MS4A6E: variants seen among roughly 807,000 people sequenced by gnomAD.
MS4A6E encodes membrane spanning 4-domains A6E, also known as membrane-spanning 4-domains subfamily A member 6E.
Under a neutral mutation model 13.2 loss-of-function variants are expected in MS4A6E, and 8 were observed. The observed-to-expected ratio is 0.60, with a 90% CI of 0.35 to 1.09. The LOEUF (loss-of-function observed/expected upper bound fraction) is 1.09. MS4A6E is among the 50% of genes least tolerant of loss of function. The pLI, the probability that MS4A6E is intolerant of heterozygous loss-of-function variation, is 0.02. For synonymous variants in MS4A6E, 72 were observed against 67.6 expected, an observed-to-expected ratio of 1.06 and a Z score of -0.32; for missense variants, 177 against 171.1, an observed-to-expected ratio of 1.03 and a Z score of -0.19.
intron 3 of MS4A6E, among the ~76,000 whole-genome samples, chr11:60,339,073 A>G (rs557423935): frequency 2.6e-5 from 4 of 152,340 alleles, no homozygotes; most frequent in South Asian, 2.1e-4. Context: ...CACAACATGT[A>G]TCTTCTATTT....
At chr11:60,334,198 G>A (rs898193684) in intron 1 of MS4A6E, among the ~76,000 whole-genome samples, 1 of 152,196 alleles carries the variant, frequency 6.6e-6, no homozygotes, top group Admixed American at 6.5e-5. Context: ...TCAGCACTAG[G>A]GAGATTGTAG....
intron 1 of MS4A6E, among the ~76,000 whole-genome samples, chr11:60,328,666 A>G (rs549476086): frequency 1.3e-5 from 2 of 152,334 alleles, no homozygotes; most frequent in Admixed American, 1.3e-4. Context: ...GACATATTGC[A>G]CAATCTCATT....
chr11:60,330,082 C>A (rs1390612109), intron 1 of MS4A6E, among the ~76,000 whole-genome samples: 1 of 150,550 alleles, frequency 6.6e-6, no homozygotes, highest in Non-Finnish European at 1.5e-5. Flanking sequence ...GTCTTGGCCT[C>A]CTAAAGTGCT....
At chr11:60,331,447 A>G (rs530223327) in intron 1 of MS4A6E, among the ~76,000 whole-genome samples, 3 of 151,414 alleles carry the variant, frequency 2.0e-5, no homozygotes, top group African/African-American at 4.9e-5. Flanking sequence ...TGTTTGTTTG[A>G]TTTTGCATTT....
intron 1 of MS4A6E, among the ~76,000 whole-genome samples, chr11:60,330,208 T>C (rs1328534936): frequency 6.6e-6 from 1 of 150,432 alleles, no homozygotes. Flanking sequence ...ATATTAGCCC[T>C]TTGTCAGATG....
intron 1 of MS4A6E, among the ~76,000 whole-genome samples, chr11:60,330,993 A>C (rs1426937083): frequency 6.6e-6 from 1 of 152,206 alleles, no homozygotes; most frequent in Non-Finnish European, 1.5e-5. Context: ...TTTTGGTACC[A>C]GTACCATGCT....
chr11:60,344,248 G>A (rs148806219), downstream of MS4A6E, among the ~76,000 whole-genome samples: 7 of 152,298 alleles, frequency 4.6e-5, no homozygotes, highest in East Asian at 1.3e-3. Context: ...TACCTCAGAT[G>A]CCTTTTCTGT....
intron 1 of MS4A6E, among the ~76,000 whole-genome samples, chr11:60,332,928 A>T (rs1590773448): frequency 6.6e-6 from 1 of 152,228 alleles, no homozygotes; most frequent in East Asian, 1.9e-4. Flanking sequence ...CTAGCTGTTG[A>T]TTCCTCCTCC....
At chr11:60,346,384 T>A (rs1234108109) in intron 4 of MS4A6E, among the ~76,000 whole-genome samples, 4 of 152,234 alleles carry the variant, frequency 2.6e-5, no homozygotes, top group African/African-American at 9.6e-5. Flanking sequence ...AAAGTGGCCA[T>A]GCTCAGGAGG....
Position 60,334,964 on chromosome 11 carries a change from A to G in MS4A6E, c.69A>G (p.Gln23=). 1.2e-6 allele frequency: 2 copies of G among 1,614,158 alleles called. No homozygotes were observed. The highest frequency in any genetic ancestry group is 1.7e-6 in the Non-Finnish European group (2 of 1,180,014). ...CATCAAATGTCATCAACTTCTCCCA[A>G]GCAGAGAAACCCGAACCCACCAACC... The part of the protein sequence containing the change: ...MLPSNVINFS[Q]AEKPEPTNQG... The change falls in exon 2 of 5, where the codon CAA becomes CAG. Residue 23 remains glutamine (Q), a synonymous_variant. Coordinates refer to ENST00000684409, the MANE Select transcript of MS4A6E (RefSeq NM_139249.4).
downstream of MS4A6E, among the ~76,000 whole-genome samples, chr11:60,343,609 A>G (rs1343091227): frequency 1.3e-5 from 2 of 152,190 alleles, no homozygotes; most frequent in African/African-American, 4.8e-5. Context: ...GTATAATTAA[A>G]ATCTCCCTGC....
chr11:60,339,828 A>G, intron 3 of MS4A6E, 38 bp from the exon 4 acceptor site: 2 of 1,581,822 alleles, frequency 1.3e-6, no homozygotes, highest in Non-Finnish European at 1.7e-6. Context: ...GCTTCGGCTG[A>G]CCCAAGCATC....
intron 2 of MS4A6E, 121 bp from the exon 3 acceptor site, chr11:60,337,620 A>AGG: frequency 8.3e-7 from 1 of 1,200,708 alleles, no homozygotes; most frequent in Non-Finnish European, 1.2e-6. Flanking sequence ...ACAAGAAATG[A>AGG]TCCCTCCGGG....
At chr11:60,332,721 C>A (rs2085164724) in intron 1 of MS4A6E, among the ~76,000 whole-genome samples, 1 of 152,158 alleles carries the variant, frequency 6.6e-6, no homozygotes, top group African/African-American at 2.4e-5. Flanking sequence ...TATTAGTTGA[C>A]CCAAAATCAT....
chr11:60,339,141 T>C (rs904226352), intron 3 of MS4A6E, among the ~76,000 whole-genome samples: 2 of 152,164 alleles, frequency 1.3e-5, no homozygotes, highest in Non-Finnish European at 2.9e-5. Flanking sequence ...CTCCCTTTAT[T>C]ATCAGATGAC....
downstream of MS4A6E, among the ~76,000 whole-genome samples, chr11:60,345,180 C>T (rs141123956): frequency 0.013 from 1,945 of 152,146 alleles, 41 homozygotes; most frequent in African/African-American, 0.045. Context: ...GTGATCCACC[C>T]GCCTCGGCCT....
At chr11:60,328,686 A>G (rs2085135088) in intron 1 of MS4A6E, among the ~76,000 whole-genome samples, 1 of 152,180 alleles carries the variant, frequency 6.6e-6, no homozygotes, top group Non-Finnish European at 1.5e-5. Flanking sequence ...TTATATGTGG[A>G]ATCTAAAATA....
At chr11:60,344,682 G>A (rs546098499), downstream of MS4A6E, among the ~76,000 whole-genome samples, 46 of 152,250 alleles carry the variant, frequency 3.0e-4, no homozygotes, top group Admixed American at 5.9e-4. Context: ...AAGTACTGAG[G>A]TTTAATTTCT....
downstream of MS4A6E, among the ~76,000 whole-genome samples, chr11:60,344,026 G>A (rs1191428386): frequency 6.6e-6 from 1 of 152,160 alleles, no homozygotes; most frequent in Non-Finnish European, 1.5e-5. Flanking sequence ...TTGGAGTTGG[G>A]CTTTTGCTAA....
Sources: allele counts gnomAD v4.1 joint callset (sites outside exome capture counted in the v4.1 genomes callset), GRCh38; gene constraint gnomAD v4.1.1; transcripts MANE v1.5; gene names NCBI Gene and HGNC (gene_info 2026-07-23, HGNC 2026-07-21).